Variants in CPEB4 observed in about 807,000 individuals in gnomAD.
CPEB4 encodes the protein cytoplasmic polyadenylation element-binding protein 4.
Under a neutral mutation model 72.5 loss-of-function variants are expected in CPEB4, and 12 were observed. The observed-to-expected ratio is 0.17, with a 90% CI of 0.11 to 0.27. The LOEUF (loss-of-function observed/expected upper bound fraction) is 0.27. Ranked by LOEUF, CPEB4 falls within the 10% of genes least tolerant of loss-of-function variation. The pLI, the probability that CPEB4 is intolerant of heterozygous loss-of-function variation, is 1.00. For synonymous variants in CPEB4, 302 were observed against 326.3 expected, an observed-to-expected ratio of 0.93 and a Z score of 0.80; for missense variants, 614 against 908.5, an observed-to-expected ratio of 0.68 and a Z score of 4.17.
intron 3 of CPEB4, among the ~76,000 whole-genome samples, chr5:173,939,488 T>C (rs1471879220): frequency 6.6e-6 from 1 of 152,204 alleles, no homozygotes; most frequent in African/African-American, 2.4e-5. Flanking sequence ...ATAAATAATA[T>C]TTTATTTTTA....
chr5:173,910,652 G>A (rs1364244589), intron 2 of CPEB4, 48 bp downstream of exon 2: 4 of 1,176,066 alleles, frequency 3.4e-6, no homozygotes, highest in East Asian at 2.3e-5. Context: ...AGTTTTAAAT[G>A]TGTATTAACT....
chr5:173,929,277 C>A (rs1307006588), intron 2 of CPEB4, among the ~76,000 whole-genome samples: 2 of 152,138 alleles, frequency 1.3e-5, no homozygotes, highest in African/African-American at 4.8e-5. Flanking sequence ...TTGTTACTGT[C>A]AAGTTGAAAT....
rs1394103989 is a variant in CPEB4 at position 173,956,099 on chromosome 5, G to A, written c.2152G>A (p.Gly718Ser). The change falls in exon 10 of 10, where the codon GGT becomes AGT. Residue 718 changes from glycine to serine, a missense_variant. Gly to Ser is a moderately conservative substitution (Grantham distance 56). Around this residue, in one of 5 missense-constraint regions of CPEB4, gnomAD observed 101 missense variants for 243.1 expected, o/e 0.42. Coordinates refer to ENST00000265085, the MANE Select transcript of CPEB4 (RefSeq NM_030627.4). ...EFHKPLVKEG[G>S]DRPRHISFRW... ...CCACAAGCCCCTGGTGAAGGAAGGC[G>A]GTGACCGCCCTCGGCATATTTCATT... The A allele has an allele frequency of 8.1e-6, 13 of 1,613,994 alleles. No individual in the cohort carries two copies. The highest frequency in any genetic ancestry group is 1.6e-4 in the Middle Eastern group (1 of 6,082).
intron 2 of CPEB4, among the ~76,000 whole-genome samples, chr5:173,920,577 G>A (rs1757035816): frequency 6.6e-6 from 1 of 152,128 alleles, no homozygotes. Context: ...AGTGTTCAGG[G>A]TTGTGTTCAA....
At chr5:173,919,993 TA>T (rs1351982348) in intron 2 of CPEB4, among the ~76,000 whole-genome samples, 2 of 152,204 alleles carry the variant, frequency 1.3e-5, no homozygotes, top group Non-Finnish European at 2.9e-5. Context: ...CCTGTACAAT[TA>T]GCCATACAAT....
chr5:173,927,675 G>T (rs1757294656), intron 2 of CPEB4, among the ~76,000 whole-genome samples: 1 of 152,146 alleles, frequency 6.6e-6, no homozygotes, highest in Non-Finnish European at 1.5e-5. Context: ...TACTCGGGAG[G>T]CTGAGGCAGA....
chr5:173,905,679 C>A (rs1756409834), intron 1 of CPEB4, among the ~76,000 whole-genome samples: 1 of 152,104 alleles, frequency 6.6e-6, no homozygotes, highest in Non-Finnish European at 1.5e-5. Flanking sequence ...CTGACCCTTG[C>A]CTTTTTGTGG....
At position 173,960,913 on chromosome 5, in the gene CPEB4, G is replaced by A. The variant is rs1758531132; in HGVS notation, c.*4776G>A. On this transcript the variant is annotated 3_prime_UTR_variant, in exon 10 of 10. Transcript: ENST00000265085. ...TGTGGACTACCAAGTGCTGTAATGT[G>A]TTAGTATTTATATTTTAAACTGCAT... 6.6e-6 allele frequency: 1 copy of A among 152,174 alleles called. No homozygotes were observed. The highest frequency in any genetic ancestry group is 1.5e-5 in the Non-Finnish European group (1 of 68,040). The allele number at this position is 152,174 out of a possible 1,614,324, so 9.4% of individuals were successfully genotyped here.
Position 173,949,992 on chromosome 5 carries a change from T to C in CPEB4, c.1579T>C (p.Ser527Pro). 1 of 1,610,954 alleles carries C rather than the reference T, an allele frequency of 6.2e-7. No individual in the cohort carries two copies. The highest frequency in any genetic ancestry group is 2.2e-5 in the East Asian group (1 of 44,720). ...ATTCCTGCTGTTTCAAGATGAAAGC[T>C]CTGTGCAGGCTCTCATTGATGCATG... ...YAFLLFQDESSVQALIDACIE... is the reference protein window; with the variant it reads ...YAFLLFQDESPVQALIDACIE... Residue 527 changes from serine to proline, a missense_variant, in exon 7 of 10, where the codon TCT (serine) becomes CCT (proline). Ser to Pro is a moderately conservative substitution (Grantham distance 74). Coordinates refer to ENST00000265085, the MANE Select transcript of CPEB4 (RefSeq NM_030627.4).
In CPEB4 at chr5:173,909,528, G is replaced by A. The variant is rs955564203; in HGVS notation, c.1126-995G>A. 4.2e-3 allele frequency among the ~76,000 whole-genome samples: 79 copies of A among 18,826 alleles called. 1 individual carries two copies. Among genetic ancestry groups the A allele is most frequent in the Middle Eastern group, 0.042 (2 of 48 alleles). 12.4% of individuals were successfully genotyped at this position (18,826 alleles called of 152,430 possible). On this transcript the variant is annotated intron_variant, in intron 1 of 9. Coordinates refer to ENST00000265085, the MANE Select transcript of CPEB4 (RefSeq NM_030627.4). ...TATGTTGGGGGAAGGGAGAGTCTACGAAATTTTTTTTTTTTACATGATTTT... is the reference window on the plus strand; with the variant it reads ...TATGTTGGGGGAAGGGAGAGTCTACAAAATTTTTTTTTTTTACATGATTTT...
chr5:173,945,245 C>A, intron 5 of CPEB4, 105 bp downstream of exon 5: 2 of 939,100 alleles, frequency 2.1e-6, no homozygotes, highest in South Asian at 3.4e-5. Context: ...AATAGTCAGC[C>A]CTGCTTGCAT....
At chr5:173,913,198 CTTTT>C (rs201042615) in intron 2 of CPEB4, among the ~76,000 whole-genome samples, 3 of 139,086 alleles carry the variant, frequency 2.2e-5, no homozygotes, top group African/African-American at 2.6e-5. Context: ...ACACATTATT[CTTTT>C]TTTTTTTTTT....
chr5:173,917,482 C>T (rs1201215267), intron 2 of CPEB4, among the ~76,000 whole-genome samples: 1 of 152,172 alleles, frequency 6.6e-6, no homozygotes, highest in Non-Finnish European at 1.5e-5. Flanking sequence ...GCCTGTAATC[C>T]CAGGGCTTTG....
In CPEB4 at chr5:173,938,280, C is replaced by T. The variant is rs759324863; in HGVS notation, c.1259-4746C>T. Among the ~76,000 whole-genome samples, 65 of 152,114 alleles carry T rather than the reference C, an allele frequency of 4.3e-4. 1 individual carries two copies. Among genetic ancestry groups the T allele is most frequent in the Non-Finnish European group, 4.3e-4 (29 of 68,022 alleles). On this transcript the variant is annotated intron_variant, in intron 3 of 9. Coordinates refer to ENST00000265085, the MANE Select transcript of CPEB4 (RefSeq NM_030627.4). ...TCGCTCTGTTGCCCAGGCTGGAGTG[C>T]GGTGGTGCAATCTCAGCTCACTGCA... is the stretch of plus-strand genomic sequence containing the variant.
intron 2 of CPEB4, among the ~76,000 whole-genome samples, chr5:173,917,239 T>A (rs1267763976): frequency 6.6e-6 from 1 of 152,244 alleles, no homozygotes; most frequent in Admixed American, 6.5e-5. Flanking sequence ...GCTTTAATAT[T>A]AGAATGATTT....
In CPEB4 at chr5:173,916,617, C is replaced by T. The variant is rs115443970; in HGVS notation, c.1207+6013C>T. 3.5e-3 allele frequency among the ~76,000 whole-genome samples: 532 copies of T among 152,196 alleles called. 3 individuals are homozygous for T. The highest frequency in any genetic ancestry group is 0.012 in the African/African-American group (502 of 41,534). ...TTCATATTTTTTCTTGCTTTATCTACGTGTTAAATTTAGAGACCCTTCCCT... is the reference window on the plus strand; with the variant it reads ...TTCATATTTTTTCTTGCTTTATCTATGTGTTAAATTTAGAGACCCTTCCCT... On this transcript the variant is annotated intron_variant, in intron 2 of 9. Transcript: ENST00000265085.
chr5:173,890,856 C>G lies in CPEB4; in HGVS notation c.1123C>G (p.Pro375Ala). ...CAGGGCTGACAACATTTTTCCTTTT[C>G]CGGTAAGATTATGTTCCATTAATAG... The part of the protein sequence containing the change: ...LNRADNIFPF[P>A]DRPRTFDMHS... Residue 375 changes from proline (P) to alanine (A), a missense_variant and splice_region_variant, in exon 1 of 10, where the codon CCG becomes GCG. Pro to Ala is a conservative substitution (Grantham distance 27). Coordinates refer to ENST00000265085, the MANE Select transcript of CPEB4 (RefSeq NM_030627.4). The G allele has an allele frequency of 1.2e-6, 2 of 1,604,640 alleles. No homozygotes were observed. Among genetic ancestry groups the G allele is most frequent in the South Asian group, 1.1e-5 (1 of 89,418 alleles).
chr5:173,929,043 G>A (rs1303471023), intron 2 of CPEB4, among the ~76,000 whole-genome samples: 1 of 152,160 alleles, frequency 6.6e-6, no homozygotes, highest in Non-Finnish European at 1.5e-5. Flanking sequence ...ATATCACAAG[G>A]CCGGATCAAA....
rs962864330 is a variant in CPEB4 at position 173,932,347 on chromosome 5, T to C, written c.1208-103T>C. ...TGATTGATATATCCTCTGATTCAAA[T>C]ACCTTGCCTATTTGAAAGCAAGTCA... On this transcript the variant is annotated intron_variant, in intron 2 of 9. Transcript: ENST00000265085. 3.2e-5 allele frequency: 25 copies of C among 771,170 alleles called. No individual in the cohort carries two copies. In the African/African-American group the frequency reaches 4.1e-4, roughly 13 times the overall value. The allele number at this position is 771,170 out of a possible 1,614,324, so 47.8% of individuals were successfully genotyped here.
Sources: gnomAD v4.1 joint callset for allele counts (sites outside exome capture counted in the v4.1 genomes callset) on GRCh38, gnomAD v4.1.1 for gene constraint, gnomAD v4.1.1 regional missense constraint, MANE v1.5 for transcripts, NCBI Gene and HGNC (gene_info 2026-07-23, HGNC 2026-07-21) for gene names.